The following DHPS variants were observed in gnomAD, a reference collection of about 807,000 sequenced individuals.
DHPS encodes deoxyhypusine synthase.
A neutral mutation model predicts 38.7 loss-of-function variants in DHPS; 24 were observed. The ratio of observed to expected loss-of-function variants is 0.62; its 90% confidence interval spans 0.45 to 0.87. The LOEUF (loss-of-function observed/expected upper bound fraction) is 0.87. Among genes scored for constraint, DHPS ranks in the 40% least tolerant of loss-of-function variants. The pLI is 0.00. For missense variants in DHPS, 510 were observed against 497.6 expected (o/e 1.02, Z -0.24); for synonymous variants, 250 against 204.4 (o/e 1.22, Z -1.90).
downstream of DHPS, among the ~76,000 whole-genome samples, chr19:12,674,110 G>A (rs2024500390): frequency 6.6e-6 from 1 of 152,228 alleles, no homozygotes; most frequent in Non-Finnish European, 1.5e-5. Flanking sequence ...CTTCAGGGTG[G>A]CGGCAGGTGC....
intron 1 of DHPS, 47 bp downstream of exon 1, chr19:12,681,513 A>G: frequency 6.2e-7 from 1 of 1,607,674 alleles, no homozygotes. Flanking sequence ...CGTTGGTTCT[A>G]CAAGCCACGC....
rs1294728065 is a variant in DHPS, at chr19:12,679,814, TCTCCCGGAG to T, written c.472_480del (p.Leu158_Glu160del). ...CAGGGTTCTCACCTATTGATCCCGT[TCTCCCGGAG>T]CTCCTTCCCCCTGAGGCTAAACTCG... is the stretch of plus-strand genomic sequence containing the variant. On this transcript the variant is annotated inframe_deletion, in exon 3 of 9. Transcript: ENST00000210060. 1 of 1,614,010 alleles carries T rather than the reference TCTCCCGGAG, an allele frequency of 6.2e-7. No individual in the cohort carries two copies. The highest frequency in any genetic ancestry group is 8.5e-7 in the Non-Finnish European group (1 of 1,180,012).
chr19:12,677,170 T>C lies in DHPS; in HGVS notation c.826A>G (p.Thr276Ala), dbSNP rs1426317243. Residue 276 changes from threonine to alanine, a missense_variant, in exon 7 of 9, where the codon ACT becomes GCT. Coordinates refer to ENST00000210060, the MANE Select transcript of DHPS (RefSeq NM_001930.4). ...INTQAIFAKC[T>A]GMIILGGGVV... ...CCCCCGCCCAGAATGATCATCCCAG[T>C]GCACTTGGCAAAGATGGCCTGTGTG... The C allele has an allele frequency of 1.2e-6, 2 of 1,614,108 alleles. No individual in the cohort carries two copies. Among genetic ancestry groups the C allele is most frequent in the South Asian group, 1.1e-5 (1 of 91,092 alleles).
Position 12,680,165 on chromosome 19 carries a change from T to C in DHPS, c.368A>G (p.Asn123Ser), listed in dbSNP as rs2024753163. 2.5e-6 allele frequency: 4 copies of C among 1,614,082 alleles called. No individual in the cohort carries two copies. Among genetic ancestry groups the C allele is most frequent in the Non-Finnish European group, 3.4e-6 (4 of 1,179,970 alleles). ...RETIRYLVQH[N>S]MVDVLVTTAG... ...ACGGCCTCACCAGGTCCCCACCATG[T>C]TGTGCTGCACAAGGTAGCGAATGGT... Residue 123 changes from asparagine (N) to serine (S), a missense_variant, in exon 2 of 9, where the codon AAC becomes AGC. Transcript: ENST00000210060.
In DHPS at chr19:12,681,691, G is replaced by A. The variant is rs1229424416; in HGVS notation, c.76C>T (p.Pro26Ser). 2 of 1,614,098 alleles carry A rather than the reference G, an allele frequency of 1.2e-6. No individual in the cohort carries two copies. Among genetic ancestry groups the A allele is most frequent in the South Asian group, 1.1e-5 (1 of 91,090 alleles). ...TAGCCCCGGACCTGGGTGCTTTCGGGCGGCAACGTCGAGCTGTGCTTTAGC... is the reference window on the plus strand; with the variant it reads ...TAGCCCCGGACCTGGGTGCTTTCGGACGGCAACGTCGAGCTGTGCTTTAGC... The part of the protein sequence containing the change: ...AVLKHSSTLP[P>S]ESTQVRGYDF... The change falls in exon 1 of 9, where the codon CCC (proline) becomes TCC (serine). Residue 26 changes from proline to serine, a missense_variant. Coordinates refer to ENST00000210060, the MANE Select transcript of DHPS (RefSeq NM_001930.4).
At chr19:12,681,384 A>G in intron 1 of DHPS, 176 bp downstream of exon 1, 1 of 1,005,710 alleles carries the variant, frequency 9.9e-7, no homozygotes, top group South Asian at 1.7e-5. Flanking sequence ...AGAGTGCAAA[A>G]TCCCCTTCCC....
At chr19:12,680,075 C>T (rs1461018757) in intron 2 of DHPS, 86 bp downstream of exon 2, 3 of 1,577,486 alleles carry the variant, frequency 1.9e-6, no homozygotes, top group African/African-American at 1.3e-5. Flanking sequence ...ATAACAGACC[C>T]CTATCTGCCC....
chr19:12,677,937 G>A (rs1171172938), intron 5 of DHPS, among the ~76,000 whole-genome samples: 4 of 150,420 alleles, frequency 2.7e-5, no homozygotes, highest in Admixed American at 1.3e-4. Context: ...CACCGTGCCC[G>A]GCCGTCTAAT....
At chr19:12,681,496 A>C (rs1181771134) in intron 1 of DHPS, 64 bp downstream of exon 1, 1 of 1,572,518 alleles carries the variant, frequency 6.4e-7, no homozygotes, top group Admixed American at 1.7e-5. Flanking sequence ...GCCCCCGTCT[A>C]GTACCGCGTT....
At position 12,681,845 on chromosome 19, in the gene DHPS, GCGCGCGTCTC is replaced by G; in HGVS notation, c.-89_-80del. On this transcript the variant is annotated 5_prime_UTR_variant, in exon 1 of 9. Coordinates refer to ENST00000210060, the MANE Select transcript of DHPS (RefSeq NM_001930.4). ...GCCCAGAAACGCGTTAAACCCCGAC[GCGCGCGTCTC>G]CGCAAGAGCACAGGAAGTAGGGAAC... The G allele has an allele frequency of 1.6e-6, 2 of 1,287,254 alleles. No individual in the cohort carries two copies. Among genetic ancestry groups the G allele is most frequent in the Admixed American group, 4.0e-5 (2 of 49,404 alleles). 79.7% of individuals were successfully genotyped at this position (1,287,254 alleles called of 1,614,324 possible).
downstream of DHPS, chr19:12,675,677 AG>A: frequency 6.2e-7 from 1 of 1,600,002 alleles, no homozygotes. Context: ...GGCTGAAGCC[AG>A]GGGACCCACC....
At chr19:12,679,594 C>A (rs750288688) in intron 4 of DHPS, 29 bp downstream of exon 4, 8 of 1,614,132 alleles carry the variant, frequency 5.0e-6, no homozygotes, top group Non-Finnish European at 5.9e-6. Flanking sequence ...TCCCACTGAA[C>A]TGGCCCCTCC....
intron 5 of DHPS, among the ~76,000 whole-genome samples, chr19:12,678,768 C>CAAAAAAA (rs1183531365): frequency 2.2e-5 from 1 of 46,340 alleles, no homozygotes; most frequent in Non-Finnish European, 3.6e-5. Context: ...GACTCTGTCT[C>CAAAAAAA]AAAAAAAAAA....
chr19:12,680,080 C>A, intron 2 of DHPS, 81 bp downstream of exon 2: 1 of 1,582,520 alleles, frequency 6.3e-7, no homozygotes, highest in Non-Finnish European at 8.6e-7. Context: ...AGACCCCTAT[C>A]TGCCCATCTC....
chr19:12,678,801 GCTT>G (rs1418890145), intron 5 of DHPS, among the ~76,000 whole-genome samples: 1 of 132,636 alleles, frequency 7.5e-6, no homozygotes, highest in Non-Finnish European at 1.6e-5. Context: ...AGACTATGTA[GCTT>G]TTTTTTTTTT....
chr19:12,676,142 G>T lies in DHPS; in HGVS notation c.889C>A (p.Arg297=), dbSNP rs761068689. Residue 297 remains arginine, a splice_region_variant and synonymous_variant, in exon 8 of 9, where the codon CGG becomes AGG. Coordinates refer to ENST00000210060, the MANE Select transcript of DHPS (RefSeq NM_001930.4). ...TAAACAGCGTAGTCGGCCCCGTTCC[G>T]CTGTGGGGAGGCGGGGGCACGGTGG... is the stretch of plus-strand genomic sequence containing the variant. The part of the protein sequence containing the change: ...KHHIANANLM[R]NGADYAVYIN... 1.2e-6 allele frequency: 2 copies of T among 1,606,702 alleles called. No individual in the cohort carries two copies. The highest frequency in any genetic ancestry group is 8.5e-7 in the Non-Finnish European group (1 of 1,177,174).
At chr19:12,680,127 A>AGAGGCC (rs771079294) in intron 2 of DHPS, 34 bp downstream of exon 2, 50 of 1,610,970 alleles carry the variant, frequency 3.1e-5, no homozygotes, top group South Asian at 1.1e-5. Flanking sequence ...CCATTGACCC[A>AGAGGCC]GAGGCCAAGG....
chr19:12,679,834 C>G lies in DHPS; in HGVS notation c.461G>C (p.Arg154Thr), dbSNP rs2024739400. ...CCCGTTCTCCCGGAGCTCCTTCCCC[C>G]TGAGGCTAAACTCGCCCAAGTATGT... ...APTYLGEFSL[R>T]GKELRENGIN... Residue 154 changes from arginine to threonine, a missense_variant, in exon 3 of 9, where the codon AGG becomes ACG. Transcript: ENST00000210060. 6.2e-7 allele frequency: 1 copy of G among 1,613,932 alleles called. No homozygotes were observed. The highest frequency in any genetic ancestry group is 1.7e-4 in the Middle Eastern group (1 of 6,060).
Position 12,676,062 on chromosome 19 carries a change from C to T in DHPS, c.969G>A (p.Glu323=), listed in dbSNP as rs544803796. The T allele has an allele frequency of 4.3e-6, 7 of 1,614,138 alleles. No homozygotes were observed. The South Asian group carries it at 5.5e-5, about 13-fold the overall frequency. ...DGSDSGARPD[E]AVSWGKIRVD... ...CCCGGATCTTGCCCCAGGAGACAGC[C>T]TCGTCTGGTCGGGCACCTGAGTCAG... Residue 323 remains glutamate, a synonymous_variant, in exon 8 of 9, where the codon GAG becomes GAA. Coordinates refer to ENST00000210060, the MANE Select transcript of DHPS (RefSeq NM_001930.4).
Sources: allele counts gnomAD v4.1 joint callset (sites outside exome capture counted in the v4.1 genomes callset), GRCh38; gene constraint gnomAD v4.1.1; transcripts MANE v1.5; gene names NCBI Gene and HGNC (gene_info 2026-07-23, HGNC 2026-07-21).